The following ROBO2 variants were observed in gnomAD, a reference collection of about 807,000 sequenced individuals.
ROBO2 encodes the protein roundabout guidance receptor 2.
Under a neutral mutation model 160.8 loss-of-function variants are expected in ROBO2, and 53 were observed. That is an observed-to-expected ratio of 0.33 (90% CI 0.26 to 0.41). The LOEUF is 0.41. ROBO2 is among the 10% of genes least tolerant of loss of function. ROBO2 has a pLI of 1.00. For synonymous variants in ROBO2, 664 were observed against 611.7 expected (o/e 1.09, Z -1.26); for missense variants, 1,577 against 1,722.4 (o/e 0.92, Z 1.49).
At chr3:77,066,323 C>T (rs949182166) in intron 1 of ROBO2, among the ~76,000 whole-genome samples, 1 of 152,002 alleles carries the variant, frequency 6.6e-6, no homozygotes, top group Non-Finnish European at 1.5e-5. Flanking sequence ...ATGTCAAAAC[C>T]TTTAACATTT....
chr3:77,136,910 C>T (rs545745854), intron 2 of ROBO2, among the ~76,000 whole-genome samples: 1 of 152,272 alleles, frequency 6.6e-6, no homozygotes, highest in African/African-American at 2.4e-5. Flanking sequence ...GCTGGGATTA[C>T]AGGCCTGAGC....
At chr3:77,124,550 A>G (rs182332797) in intron 2 of ROBO2, among the ~76,000 whole-genome samples, 1 of 152,250 alleles carries the variant, frequency 6.6e-6, no homozygotes, top group African/African-American at 2.4e-5. Context: ...ACATGACACA[A>G]TGTGATATAA....
intron 24 of ROBO2, among the ~76,000 whole-genome samples, chr3:77,637,621 G>T (rs1037473301): frequency 2.6e-5 from 4 of 151,960 alleles, no homozygotes; most frequent in Admixed American, 6.6e-5. Context: ...AAATAAAAAA[G>T]GACTACTTTC....
chr3:76,567,727 G>GTA (rs1193938994), intron 2 of ROBO2, among the ~76,000 whole-genome samples: 1 of 113,236 alleles, frequency 8.8e-6, no homozygotes, highest in South Asian at 2.9e-4. Flanking sequence ...ATATATGTCA[G>GTA]TATATATATA....
intron 2 of ROBO2, among the ~76,000 whole-genome samples, chr3:77,454,126 T>C (rs2081380876): frequency 6.6e-6 from 1 of 151,986 alleles, no homozygotes; most frequent in Non-Finnish European, 1.5e-5. Flanking sequence ...TGGGCTTTTT[T>C]TTTTTTTTAA....
intron 2 of ROBO2, among the ~76,000 whole-genome samples, chr3:77,305,638 C>T (rs1560493838): frequency 6.6e-6 from 1 of 152,186 alleles, no homozygotes; most frequent in Non-Finnish European, 1.5e-5. Context: ...TGGAAGGAAA[C>T]CTTCTCAGCC....
chr3:76,291,011 T>C (rs947620431), intron 2 of ROBO2, among the ~76,000 whole-genome samples: 7 of 152,156 alleles, frequency 4.6e-5, no homozygotes, highest in African/African-American at 1.4e-4. Flanking sequence ...TTCTTTGTTA[T>C]TGTGTCTCTG....
chr3:76,435,409 TG>T, intron 2 of ROBO2: 1 of 777,856 alleles, frequency 1.3e-6, no homozygotes, highest in South Asian at 1.3e-5. Flanking sequence ...GTCACCACAG[TG>T]ACAGAAATTG....
Position 77,093,531 on chromosome 3 carries a change from C to A in ROBO2, c.62-4483C>A, listed in dbSNP as rs555069277. ...ATATGATGAAAGCTACACCCCCAAC[C>A]CCACACCACCACTACTGCCTCCCCC... On this transcript the variant is annotated intron_variant, in intron 1 of 25. Coordinates refer to ENST00000461745, the Ensembl canonical transcript of ROBO2. Among the ~76,000 whole-genome samples, 4 of 152,094 alleles carry A rather than the reference C, an allele frequency of 2.6e-5. No homozygotes were observed. In the East Asian group the frequency reaches 7.7e-4, roughly 29 times the overall value.
At chr3:77,507,575 T>C (rs1020264110) in intron 5 of ROBO2, among the ~76,000 whole-genome samples, 6 of 152,172 alleles carry the variant, frequency 3.9e-5, no homozygotes, top group Non-Finnish European at 8.8e-5. Flanking sequence ...AGTCCTGTCC[T>C]GAAAGGACTT....
chr3:76,400,328 G>A (rs1167514950), intron 2 of ROBO2, among the ~76,000 whole-genome samples: 1 of 151,482 alleles, frequency 6.6e-6, no homozygotes, highest in Non-Finnish European at 1.5e-5. Context: ...TCCTTCCTCA[G>A]TCATGAGTCA....
intron 2 of ROBO2, among the ~76,000 whole-genome samples, chr3:76,787,155 C>T (rs1345437733): frequency 6.6e-6 from 1 of 151,236 alleles, no homozygotes; most frequent in Non-Finnish European, 1.5e-5. Flanking sequence ...GTCCCTCACT[C>T]AACCCTGGGA....
At chr3:76,398,527 G>A (rs192924289) in intron 2 of ROBO2, among the ~76,000 whole-genome samples, 92 of 151,588 alleles carry the variant, frequency 6.1e-4, no homozygotes, top group Non-Finnish European at 1.1e-3. Flanking sequence ...TATTAGTTAC[G>A]ATCTTCCCCT....
intron 2 of ROBO2, among the ~76,000 whole-genome samples, chr3:76,415,839 C>T (rs1482131055): frequency 6.6e-6 from 1 of 152,052 alleles, no homozygotes; most frequent in Non-Finnish European, 1.5e-5. Context: ...TTAATAAGAA[C>T]AAAACACTGC....
intron 2 of ROBO2, among the ~76,000 whole-genome samples, chr3:76,711,495 T>C (rs1442692561): frequency 1.3e-5 from 2 of 152,156 alleles, no homozygotes; most frequent in Admixed American, 1.3e-4. Context: ...TTCCCGTCTT[T>C]AGGTGGATAG....
At chr3:75,978,434 G>T (rs984486643) in intron 2 of ROBO2, among the ~76,000 whole-genome samples, 1 of 151,256 alleles carries the variant, frequency 6.6e-6, no homozygotes, top group African/African-American at 2.4e-5. Flanking sequence ...TCAATTGATG[G>T]TGTTCACCAA....
chr3:75,924,815 A>T (rs1947218567), intron 1 of ROBO2, among the ~76,000 whole-genome samples: 1 of 140,670 alleles, frequency 7.1e-6, no homozygotes, highest in Non-Finnish European at 1.5e-5. Flanking sequence ...CAGCCTCCCG[A>T]GTAGCTGGGA....
At chr3:76,592,379 C>G (rs2086468274) in intron 2 of ROBO2, among the ~76,000 whole-genome samples, 3 of 152,010 alleles carry the variant, frequency 2.0e-5, no homozygotes, top group Admixed American at 2.0e-4. Context: ...ACAAACTAAC[C>G]TAGACAGATG....
intron 1 of ROBO2, among the ~76,000 whole-genome samples, chr3:77,056,019 G>C (rs1305947059): frequency 6.6e-6 from 1 of 152,232 alleles, no homozygotes. Flanking sequence ...GACATAGTGT[G>C]TAGGTATTTA....
Sources: gnomAD v4.1 joint callset for allele counts (sites outside exome capture counted in the v4.1 genomes callset) on GRCh38, gnomAD v4.1.1 for gene constraint, MANE v1.5 for transcripts, NCBI Gene and HGNC (gene_info 2026-07-23, HGNC 2026-07-21) for gene names.